The following SCRN3 variants were observed in gnomAD, a reference collection of about 807,000 sequenced individuals.
The protein encoded by SCRN3 is secernin-3.
Under a neutral mutation model 43.1 loss-of-function variants are expected in SCRN3, and 39 were observed. That is an observed-to-expected ratio of 0.91 (90% CI 0.70 to 1.18). The LOEUF (loss-of-function observed/expected upper bound fraction) is 1.18, where lower values mean the gene tolerates loss of function less well. Ranked by LOEUF, SCRN3 falls within the 50% of genes most tolerant of loss-of-function variation. SCRN3 has a pLI of 0.00. For synonymous variants in SCRN3, 147 were observed against 163.1 expected (o/e 0.90, Z 0.75); for missense variants, 484 against 498.0 (o/e 0.97, Z 0.27).
At chr2:174,403,993 G>T (rs1442593968) in intron 4 of SCRN3, 110 bp from the exon 5 acceptor site, 8 of 755,862 alleles carry the variant, frequency 1.1e-5, no homozygotes, top group Middle Eastern at 3.2e-4. Context: ...ACAAAATTTA[G>T]AAGTCTATAT....
At chr2:174,418,399 G>C (rs1008728116) in intron 5 of SCRN3, among the ~76,000 whole-genome samples, 2 of 152,154 alleles carry the variant, frequency 1.3e-5, no homozygotes, top group Non-Finnish European at 2.9e-5. Flanking sequence ...CTACCTGATA[G>C]CTGTTAACTG....
chr2:174,418,129 C>T (rs1325819931), intron 5 of SCRN3, among the ~76,000 whole-genome samples: 1 of 152,068 alleles, frequency 6.6e-6, no homozygotes, highest in African/African-American at 2.4e-5. Flanking sequence ...GCTACTACAT[C>T]ATAATAATAA....
chr2:174,398,165 C>T, intron 1 of SCRN3, 110 bp from the exon 2 acceptor site: 2 of 628,330 alleles, frequency 3.2e-6, no homozygotes, highest in Middle Eastern at 4.5e-4. Flanking sequence ...CTTTAATGAA[C>T]ATCCTTAATT....
At position 174,404,106 on chromosome 2, in the gene SCRN3, G is replaced by A; in HGVS notation, c.545G>A (p.Gly182Glu). 2 of 1,611,610 alleles carry A rather than the reference G, an allele frequency of 1.2e-6. No homozygotes were observed. Among genetic ancestry groups the A allele is most frequent in the Non-Finnish European group, 1.7e-6 (2 of 1,178,114 alleles). ...KYWAAEKVQE[G>E]VRNISNQLSI... ...TCCTCTTCTTCTTTGAAAATAGAGG[G>A]AGTTCGTAATATTTCTAATCAACTT... The change falls in exon 5 of 8, where the codon GGA becomes GAA. Residue 182 changes from glycine to glutamate, a missense_variant. By Grantham distance (98) the Gly-to-Glu change is moderately conservative. Coordinates refer to ENST00000272732, the MANE Select transcript of SCRN3 (RefSeq NM_024583.5).
At chr2:174,400,804 C>G (rs903640558) in intron 3 of SCRN3, among the ~76,000 whole-genome samples, 186 bp from the exon 4 acceptor site, 2 of 152,016 alleles carry the variant, frequency 1.3e-5, no homozygotes, top group African/African-American at 4.8e-5. Context: ...TTGTTTGACT[C>G]CAGAAACTTT....
chr2:174,423,831 G>T (rs1169013391), intron 6 of SCRN3, among the ~76,000 whole-genome samples: 1 of 141,846 alleles, frequency 7.0e-6, no homozygotes, highest in Non-Finnish European at 1.5e-5. Flanking sequence ...TGTCACCCAG[G>T]CTAGAATGGA....
chr2:174,401,641 C>A (rs1350593836), intron 4 of SCRN3, among the ~76,000 whole-genome samples: 4 of 152,130 alleles, frequency 2.6e-5, no homozygotes, highest in Middle Eastern at 3.2e-3. Flanking sequence ...AGTTTGATAT[C>A]TTTGAATAAA....
At chr2:174,399,878 G>A (rs939555370) in intron 2 of SCRN3, 44 bp from the exon 3 acceptor site, 6 of 1,293,756 alleles carry the variant, frequency 4.6e-6, no homozygotes, top group Non-Finnish European at 5.0e-6. Flanking sequence ...AACTTTTCTG[G>A]TTTTGTGGTT....
chr2:174,417,756 C>G (rs1417242033), intron 5 of SCRN3, among the ~76,000 whole-genome samples: 3 of 152,166 alleles, frequency 2.0e-5, no homozygotes, highest in Non-Finnish European at 4.4e-5. Flanking sequence ...ATGAAGAAAC[C>G]AGCAGTGTTT....
rs148890048 is a variant in SCRN3, at chr2:174,424,161, G to T, written c.918-314G>T. Among the ~76,000 whole-genome samples, 48 of 152,234 alleles carry T rather than the reference G, an allele frequency of 3.2e-4. 1 individual carries two copies. Among genetic ancestry groups the T allele is most frequent in the African/African-American group, 1.0e-3 (42 of 41,532 alleles). On this transcript the variant is annotated intron_variant, in intron 6 of 7. Transcript: ENST00000272732. ...CTAATCCTCTTCTGTAACATTAAAG[G>T]TTGTTCTTATCCTCCAACTGTGGAA... is the stretch of plus-strand genomic sequence containing the variant.
At chr2:174,402,637 T>A (rs1685545812) in intron 4 of SCRN3, among the ~76,000 whole-genome samples, 1 of 152,066 alleles carries the variant, frequency 6.6e-6, no homozygotes, top group East Asian at 1.9e-4. Context: ...TGCAGTGAGC[T>A]ATTATTATGC....
Position 174,427,997 on chromosome 2 carries a change from C to A in SCRN3, c.*102C>A. ...GTAAATTATATAAACCTAACTTGAG[C>A]AGATCTGATTATTCTTGGATAGTAT... On this transcript the variant is annotated 3_prime_UTR_variant, in exon 8 of 8. Coordinates refer to ENST00000272732, the MANE Select transcript of SCRN3 (RefSeq NM_024583.5). 1.4e-6 allele frequency: 1 copy of A among 735,378 alleles called. No homozygotes were observed. Among genetic ancestry groups the A allele is most frequent in the Non-Finnish European group, 2.2e-6 (1 of 450,106 alleles). 45.6% of individuals were successfully genotyped at this position (735,378 alleles called of 1,614,324 possible).
At chr2:174,397,038 C>T (rs1422888120) in intron 1 of SCRN3, 1 of 968,698 alleles carries the variant, frequency 1.0e-6, no homozygotes, top group East Asian at 1.1e-4. Context: ...AGTGATAGAA[C>T]TAACTATAAA....
At chr2:174,427,043 G>A (rs1449327103) in intron 7 of SCRN3, among the ~76,000 whole-genome samples, 1 of 151,902 alleles carries the variant, frequency 6.6e-6, no homozygotes, top group Non-Finnish European at 1.5e-5. Context: ...ATATTGGCAG[G>A]CTGGTCTCGA....
intron 5 of SCRN3, among the ~76,000 whole-genome samples, chr2:174,406,583 T>C (rs1026300882): frequency 7.6e-4 from 114 of 150,928 alleles, no homozygotes; most frequent in Non-Finnish European, 1.3e-3. Context: ...CAGTATGATA[T>C]TGGCTGTGGG....
chr2:174,423,054 C>T lies in SCRN3; in HGVS notation c.917+7C>T, dbSNP rs1686350695. On this transcript the variant is annotated splice_region_variant and intron_variant, in intron 6 of 7. Transcript: ENST00000272732. Reference sequence around the variant, plus strand: ...GGACTCCTGATCCTGAGAGGTGAAGCCACAAAATACTATAAACCAGCAAGG... The same window carrying T: ...GGACTCCTGATCCTGAGAGGTGAAGTCACAAAATACTATAAACCAGCAAGG... 1.2e-6 allele frequency: 2 copies of T among 1,608,226 alleles called. No individual in the cohort carries two copies. Among genetic ancestry groups the T allele is most frequent in the African/African-American group, 1.3e-5 (1 of 74,770 alleles).
chr2:174,405,888 G>C (rs13015245), intron 5 of SCRN3, among the ~76,000 whole-genome samples: 25,255 of 146,416 alleles, frequency 0.17, 2,454 homozygotes, highest in South Asian at 0.29. Context: ...AAGTCAGGTA[G>C]TGTGATTCCT....
intron 5 of SCRN3, among the ~76,000 whole-genome samples, chr2:174,415,337 G>GA (rs1480434470): frequency 6.6e-6 from 1 of 150,548 alleles, no homozygotes; most frequent in Non-Finnish European, 1.5e-5. Flanking sequence ...AGAGAAATAA[G>GA]AAAAAAAATG....
At chr2:174,398,243 T>C (rs1346831717) in intron 1 of SCRN3, 32 bp from the exon 2 acceptor site, 9 of 1,396,710 alleles carry the variant, frequency 6.4e-6, no homozygotes, top group Admixed American at 2.4e-5. Flanking sequence ...AAAAGTGTTC[T>C]TTTTATTTTA....
Sources: gnomAD v4.1 joint callset for allele counts (sites outside exome capture counted in the v4.1 genomes callset) on GRCh38, gnomAD v4.1.1 for gene constraint, MANE v1.5 for transcripts, NCBI Gene and HGNC (gene_info 2026-07-23, HGNC 2026-07-21) for gene names.